The following FGF14 variants were observed in gnomAD, a reference collection of about 807,000 sequenced individuals.
FGF14 encodes fibroblast growth factor homologous factor 4.
Under a neutral mutation model 25.5 loss-of-function variants are expected in FGF14, and 5 were observed. The ratio of observed to expected loss-of-function variants is 0.20; its 90% confidence interval spans 0.10 to 0.41. The LOEUF is 0.41. Ranked by LOEUF, FGF14 falls within the 10% of genes least tolerant of loss-of-function variation. The pLI, the probability that FGF14 is intolerant of heterozygous loss-of-function variation, is 1.00. For synonymous variants in FGF14, 138 were observed against 118.3 expected, an observed-to-expected ratio of 1.17 and a Z score of -1.08; for missense variants, 222 against 320.1, an observed-to-expected ratio of 0.69 and a Z score of 2.34.
At chr13:101,942,937 A>G (rs1031250239) in intron 1 of FGF14, among the ~76,000 whole-genome samples, 3 of 152,230 alleles carry the variant, frequency 2.0e-5, no homozygotes, top group South Asian at 4.1e-4. Context: ...ATGGAAATCA[A>G]TCGGCAGAGC....
At chr13:102,379,816 T>C (rs2058137910) in intron 1 of FGF14, among the ~76,000 whole-genome samples, 1 of 152,116 alleles carries the variant, frequency 6.6e-6, no homozygotes, top group African/African-American at 2.4e-5. Flanking sequence ...TTTGCTATCA[T>C]AAAACAAAAG....
chr13:101,948,464 TA>T (rs34342496), intron 1 of FGF14, among the ~76,000 whole-genome samples: 1,932 of 145,558 alleles, frequency 0.013, 41 homozygotes, highest in African/African-American at 0.046. Context: ...TAAAGTATAA[TA>T]AAAAAATATA....
intron 2 of FGF14, among the ~76,000 whole-genome samples, chr13:101,873,514 T>A (rs2045226680): frequency 6.6e-6 from 1 of 152,106 alleles, no homozygotes; most frequent in African/African-American, 2.4e-5. Context: ...TATTACGTTC[T>A]AATCCTCCCA....
At chr13:101,910,444 T>C (rs948073156) in intron 1 of FGF14, among the ~76,000 whole-genome samples, 10 of 152,260 alleles carry the variant, frequency 6.6e-5, no homozygotes, top group Middle Eastern at 6.8e-3. Context: ...GGTGAGACAA[T>C]GACTTTGAAG....
At chr13:102,104,679 T>G (rs1399013824) in intron 1 of FGF14, among the ~76,000 whole-genome samples, 1 of 152,088 alleles carries the variant, frequency 6.6e-6, no homozygotes, top group East Asian at 1.9e-4. Context: ...CCAGCTACTC[T>G]GGAGGCTAAG....
chr13:102,196,703 AC>A (rs1396589243), intron 1 of FGF14, among the ~76,000 whole-genome samples: 1 of 152,162 alleles, frequency 6.6e-6, no homozygotes, highest in Non-Finnish European at 1.5e-5. Context: ...TGTCAAATCT[AC>A]CCTTTTAGCA....
chr13:102,253,375 A>G (rs1381439078), intron 1 of FGF14, among the ~76,000 whole-genome samples: 1 of 152,096 alleles, frequency 6.6e-6, no homozygotes, highest in Non-Finnish European at 1.5e-5. Context: ...ACTGGCATGA[A>G]ATGGTATCTC....
rs114575813 is a variant in FGF14, at chr13:101,999,223, A to T, written c.209-123927T>A. On this transcript the variant is annotated intron_variant, in intron 1 of 4. Coordinates refer to the FGF14 transcript ENST00000376131. The stretch of plus-strand genomic sequence containing the variant: ...ATCTTCATCAAAGGTGATATAGATT[A>T]ATAAGTGATAAGAAACACTGAAAGA... 7.5e-3 allele frequency among the ~76,000 whole-genome samples: 1,143 copies of T among 152,354 alleles called. 16 individuals are homozygous for T. Among genetic ancestry groups the T allele is most frequent in the African/African-American group, 0.026 (1,071 of 41,580 alleles).
chr13:101,899,717 C>T lies in FGF14; in HGVS notation c.193+16736G>A, dbSNP rs923324888. On this transcript the variant is annotated intron_variant, in intron 1 of 4. Coordinates refer to ENST00000376143, the MANE Select transcript of FGF14 (RefSeq NM_004115.4). The stretch of plus-strand genomic sequence containing the variant: ...TATTCTGATATAAGGATATATCTAC[C>T]AGTAAGATATAATAATGTTATATTA... Among the ~76,000 whole-genome samples, 9 of 151,766 alleles carry T rather than the reference C, an allele frequency of 5.9e-5. No homozygotes were observed. In the East Asian group the frequency reaches 1.5e-3, roughly 26 times the overall value.
intron 1 of FGF14, among the ~76,000 whole-genome samples, chr13:102,166,466 C>T (rs914237736): frequency 2.6e-5 from 4 of 152,014 alleles, no homozygotes; most frequent in Non-Finnish European, 4.4e-5. Context: ...CAGCTGAAGT[C>T]CAACATGGCA....
At chr13:101,884,421 G>A (rs959415580) in intron 1 of FGF14, among the ~76,000 whole-genome samples, 5 of 152,086 alleles carry the variant, frequency 3.3e-5, no homozygotes, top group African/African-American at 9.7e-5. Context: ...ATTTAGTTTT[G>A]CCTCAGAAGA....
intron 1 of FGF14, among the ~76,000 whole-genome samples, chr13:101,953,666 C>G (rs112638016): frequency 0.17 from 25,450 of 150,896 alleles, 3,650 homozygotes; most frequent in African/African-American, 0.39. Flanking sequence ...TCTTGGCTCA[C>G]TGCAACCTCT....
intron 3 of FGF14, among the ~76,000 whole-genome samples, chr13:101,838,172 TG>T (rs1296371714): frequency 6.6e-6 from 1 of 152,022 alleles, no homozygotes; most frequent in Non-Finnish European, 1.5e-5. Context: ...TGTATACACC[TG>T]TCCTATTAGT....
At chr13:102,347,400 G>A (rs2057140910) in intron 1 of FGF14, among the ~76,000 whole-genome samples, 1 of 152,166 alleles carries the variant, frequency 6.6e-6, no homozygotes, top group Non-Finnish European at 1.5e-5. Flanking sequence ...GTGGCAGCTT[G>A]TCATCGGTGT....
intron 1 of FGF14, among the ~76,000 whole-genome samples, chr13:102,362,158 G>A (rs141106951): frequency 6.6e-6 from 1 of 152,252 alleles, no homozygotes; most frequent in Non-Finnish European, 1.5e-5. Flanking sequence ...GATAGTCCAG[G>A]CCCTTATAAT....
chr13:102,152,070 G>A (rs1199720813), intron 1 of FGF14, among the ~76,000 whole-genome samples: 3 of 152,056 alleles, frequency 2.0e-5, no homozygotes, highest in Non-Finnish European at 4.4e-5. Flanking sequence ...TACCCAATAC[G>A]AAGCACGGAT....
intron 3 of FGF14, among the ~76,000 whole-genome samples, chr13:101,765,063 T>G (rs915417066): frequency 6.6e-6 from 1 of 152,196 alleles, no homozygotes; most frequent in South Asian, 2.1e-4. Context: ...CTTGTCCCAT[T>G]TTGATTTGGT....
intron 1 of FGF14, among the ~76,000 whole-genome samples, chr13:102,070,221 T>A (rs1299088788): frequency 6.6e-6 from 1 of 152,062 alleles, no homozygotes; most frequent in East Asian, 1.9e-4. Flanking sequence ...GGGCAAAATA[T>A]CAGAATAGAC....
chr13:102,132,167 C>T (rs1456518744), intron 1 of FGF14, among the ~76,000 whole-genome samples: 2 of 152,012 alleles, frequency 1.3e-5, no homozygotes, highest in Admixed American at 6.6e-5. Flanking sequence ...GGCGACCACC[C>T]CAGGGTCCAT....
Sources: gnomAD v4.1 joint callset for allele counts (sites outside exome capture counted in the v4.1 genomes callset) on GRCh38, gnomAD v4.1.1 for gene constraint, MANE v1.5 for transcripts, NCBI Gene and HGNC (gene_info 2026-07-23, HGNC 2026-07-21) for gene names.